The following NRXN3 variants were observed in gnomAD, a reference collection of about 807,000 sequenced individuals.
The protein encoded by NRXN3 is neurexin III.
NRXN3 carries 32 observed loss-of-function variants against 137.6 expected under a neutral mutation model. That is an observed-to-expected ratio of 0.23 (90% CI 0.18 to 0.31). The LOEUF (loss-of-function observed/expected upper bound fraction) is 0.31, where lower values mean the gene tolerates loss of function less well. Among genes scored for constraint, NRXN3 ranks in the 10% least tolerant of loss-of-function variants. NRXN3 has a pLI of 1.00. For synonymous variants in NRXN3, 798 were observed against 784.5 expected (o/e 1.02, Z -0.29); for missense variants, 1,574 against 2,062.5 (o/e 0.76, Z 4.59).
chr14:78,666,113 A>G (rs2097884307), intron 6 of NRXN3, among the ~76,000 whole-genome samples: 1 of 152,100 alleles, frequency 6.6e-6, no homozygotes, highest in South Asian at 2.1e-4. Flanking sequence ...AATTGTGGTA[A>G]AAAAACACAT....
At chr14:78,208,955 G>A (rs1415243427) in intron 1 of NRXN3, among the ~76,000 whole-genome samples, 1 of 151,978 alleles carries the variant, frequency 6.6e-6, no homozygotes, top group African/African-American at 2.4e-5. Context: ...TGTAGTAGAT[G>A]ATCACTAATA....
At chr14:79,336,714 C>T (rs1219625769) in intron 15 of NRXN3, among the ~76,000 whole-genome samples, 2 of 152,108 alleles carry the variant, frequency 1.3e-5, no homozygotes. Flanking sequence ...GGAAGCAAGG[C>T]CCCCTAATTG....
At chr14:79,227,358 C>T (rs181979895) in intron 15 of NRXN3, among the ~76,000 whole-genome samples, 3 of 152,142 alleles carry the variant, frequency 2.0e-5, no homozygotes, top group Non-Finnish European at 2.9e-5. Context: ...TGTTTTCTTA[C>T]TTTGTCATGT....
At chr14:78,298,303 C>T (rs1236535995) in intron 4 of NRXN3, among the ~76,000 whole-genome samples, 7 of 152,204 alleles carry the variant, frequency 4.6e-5, no homozygotes, top group Non-Finnish European at 7.3e-5. Flanking sequence ...TTTTTGTCTT[C>T]CCCTCCATTA....
intron 1 of NRXN3, among the ~76,000 whole-genome samples, chr14:78,225,290 T>C (rs943669177): frequency 6.4e-4 from 98 of 152,310 alleles, no homozygotes; most frequent in African/African-American, 2.2e-3. Flanking sequence ...ATGATCGCCA[T>C]TCTAACTGGT....
intron 4 of NRXN3, among the ~76,000 whole-genome samples, chr14:78,449,667 A>G (rs1405397001): frequency 6.6e-6 from 1 of 152,244 alleles, no homozygotes; most frequent in Non-Finnish European, 1.5e-5. Flanking sequence ...GGGCATGAGC[A>G]TTAATATCTC....
At position 78,348,323 on chromosome 14, in the gene NRXN3, CT is replaced by C. The variant is rs754343954; in HGVS notation, c.757+50464del. ...TAAAACTTGGGGACAAAAGCCTCCC[CT>C]ATTTGAATCTGACCCCTCCATTTGT... On this transcript the variant is annotated intron_variant, in intron 4 of 20. Coordinates refer to ENST00000335750, the MANE Select transcript of NRXN3 (RefSeq NM_001330195.2). 1.0e-3 allele frequency among the ~76,000 whole-genome samples: 158 copies of C among 152,308 alleles called. 1 individual carries two copies. The highest frequency in any genetic ancestry group is 7.6e-4 in the Non-Finnish European group (52 of 68,032).
At chr14:79,041,787 A>G (rs2099625449) in intron 15 of NRXN3, among the ~76,000 whole-genome samples, 1 of 152,226 alleles carries the variant, frequency 6.6e-6, no homozygotes, top group African/African-American at 2.4e-5. Flanking sequence ...AGGTGCTACC[A>G]TAAGTCATAA....
intron 4 of NRXN3, among the ~76,000 whole-genome samples, chr14:78,341,076 T>A (rs894543648): frequency 4.7e-4 from 72 of 152,274 alleles, no homozygotes; most frequent in African/African-American, 1.6e-3. Flanking sequence ...AAAGTATTTG[T>A]TTTTTATTAG....
intron 10 of NRXN3, among the ~76,000 whole-genome samples, chr14:78,944,780 A>G (rs780980592): frequency 1.3e-5 from 2 of 152,180 alleles, no homozygotes; most frequent in Admixed American, 1.3e-4. Context: ...GTTGAAAGCT[A>G]CTAAGTTTGT....
intron 4 of NRXN3, among the ~76,000 whole-genome samples, chr14:78,567,821 T>TG (rs111289711): frequency 0.072 from 10,925 of 152,114 alleles, 661 homozygotes; most frequent in African/African-American, 0.17. Context: ...TGCACAGGAA[T>TG]ATGGTGAGTG....
intron 4 of NRXN3, among the ~76,000 whole-genome samples, chr14:78,501,383 G>A (rs985349065): frequency 6.6e-5 from 10 of 152,126 alleles, no homozygotes; most frequent in East Asian, 5.8e-4. Flanking sequence ...TTGCCTCACC[G>A]TGTGGACCTT....
chr14:79,786,552 G>T (rs2099130031), intron 19 of NRXN3, among the ~76,000 whole-genome samples: 1 of 152,146 alleles, frequency 6.6e-6, no homozygotes. Flanking sequence ...GCTTATGAAG[G>T]CATTTAAAAC....
At chr14:78,807,153 T>C (rs2153088820) in intron 9 of NRXN3, among the ~76,000 whole-genome samples, 1 of 152,186 alleles carries the variant, frequency 6.6e-6, no homozygotes, top group South Asian at 2.1e-4. Context: ...AGAGAGAATC[T>C]CCATTTTCCT....
chr14:78,233,856 A>G (rs543766806), intron 1 of NRXN3, among the ~76,000 whole-genome samples: 5 of 152,282 alleles, frequency 3.3e-5, no homozygotes, highest in Admixed American at 3.3e-4. Context: ...AAATTTAAAG[A>G]AGTCCATCTA....
chr14:79,697,447 T>C (rs1316217737), intron 18 of NRXN3, among the ~76,000 whole-genome samples, 183 bp from the exon 19 acceptor site: 1 of 151,904 alleles, frequency 6.6e-6, no homozygotes, highest in Non-Finnish European at 1.5e-5. Flanking sequence ...AGCTAGACAG[T>C]GGAAGAGATA....
intron 15 of NRXN3, among the ~76,000 whole-genome samples, chr14:79,314,687 A>C (rs376562353): frequency 9.9e-5 from 14 of 141,918 alleles, no homozygotes; most frequent in East Asian, 4.3e-4. Flanking sequence ...TGAAGAGAGC[A>C]GTGGTTCTCC....
intron 17 of NRXN3, among the ~76,000 whole-genome samples, chr14:79,664,965 A>G (rs780298142): frequency 7.9e-5 from 12 of 152,172 alleles, no homozygotes; most frequent in Non-Finnish European, 1.6e-4. Context: ...TGAGGTGGGC[A>G]CAATAACAAA....
At chr14:78,171,306 A>G (rs1399491680) in intron 1 of NRXN3, among the ~76,000 whole-genome samples, 1 of 149,126 alleles carries the variant, frequency 6.7e-6, no homozygotes. Flanking sequence ...GAAGGTGGGC[A>G]TACTTGGAGA....
Sources: gnomAD v4.1 joint callset for allele counts (sites outside exome capture counted in the v4.1 genomes callset) on GRCh38, gnomAD v4.1.1 for gene constraint, MANE v1.5 for transcripts, NCBI Gene and HGNC (gene_info 2026-07-23, HGNC 2026-07-21) for gene names.